The following FAIM2 variants were observed in gnomAD, a reference collection of about 807,000 sequenced individuals.
FAIM2 encodes protein lifeguard 2.
FAIM2 carries 27 observed loss-of-function variants against 47.4 expected under a neutral mutation model. That is an observed-to-expected ratio of 0.57 (90% CI 0.42 to 0.78). The LOEUF (loss-of-function observed/expected upper bound fraction) is 0.78. Ranked by LOEUF, FAIM2 falls within the 30% of genes least tolerant of loss-of-function variation. The pLI, the probability that FAIM2 is intolerant of heterozygous loss-of-function variation, is 0.00. For missense variants in FAIM2, 311 were observed against 389.4 expected (o/e 0.80, Z 1.69); for synonymous variants, 156 against 159.3 (o/e 0.98, Z 0.16).
Position 49,874,122 on chromosome 12 carries a change from G to A in FAIM2, c.802-3469C>T, listed in dbSNP as rs929084317. On this transcript the variant is annotated intron_variant, in intron 11 of 11. Coordinates refer to ENST00000320634, the MANE Select transcript of FAIM2 (RefSeq NM_012306.4). This position sits in a 1 kb window ranked among gnomAD's most constrained non-coding sequence, Gnocchi z 4.2. ...GGATCTTGGCTGAGAGCTAGCAACC[G>A]AATTGACTGCAAACCCCTAAAAGGA... 1.2e-4 allele frequency among the ~76,000 whole-genome samples: 19 copies of A among 152,190 alleles called. No individual in the cohort carries two copies. The highest frequency in any genetic ancestry group is 7.2e-4 in the Admixed American group (11 of 15,284).
At chr12:49,895,920 C>A (rs796358577) in intron 5 of FAIM2, among the ~76,000 whole-genome samples, 7 of 152,354 alleles carry the variant, frequency 4.6e-5, no homozygotes, top group African/African-American at 1.7e-4. Flanking sequence ...TTGGAATTCC[C>A]CTGCATGGAG....
At position 49,887,385 on chromosome 12, in the gene FAIM2, C is replaced by G. The variant is rs113953525; in HGVS notation, c.801+1G>C. The G allele has an allele frequency of 5.0e-6, 8 of 1,610,012 alleles. No homozygotes were observed. Among genetic ancestry groups the G allele is most frequent in the Non-Finnish European group, 2.5e-6 (3 of 1,177,996 alleles). Reference sequence around the variant, plus strand: ...CTGCCAAGGAGCTAGACCACACTCACCAATGTAAATACACCCGCTCCCAGT... The same window carrying G: ...CTGCCAAGGAGCTAGACCACACTCAGCAATGTAAATACACCCGCTCCCAGT... On this transcript the variant is annotated splice_donor_variant, in intron 11 of 11. Coordinates refer to ENST00000320634, the MANE Select transcript of FAIM2 (RefSeq NM_012306.4). LOFTEE classifies it high-confidence loss of function.
intron 11 of FAIM2, among the ~76,000 whole-genome samples, chr12:49,878,800 A>ATGTGCGTCTGTGTCTG (rs796913911): frequency 2.5e-5 from 2 of 78,512 alleles, no homozygotes; most frequent in African/African-American, 8.3e-5. Flanking sequence ...CTGTGTGTAT[A>ATGTGCGTCTGTGTCTG]TGTGTGCATG....
intron 3 of FAIM2, 139 bp from the exon 4 acceptor site, chr12:49,897,722 G>A (rs746526406): frequency 1.2e-4 from 82 of 681,610 alleles, no homozygotes; most frequent in Non-Finnish European, 1.9e-4. Flanking sequence ...GTGAACCCAG[G>A]GCAAGGCGAA....
intron 11 of FAIM2, among the ~76,000 whole-genome samples, chr12:49,879,788 G>T (rs1408569660): frequency 6.6e-6 from 1 of 151,578 alleles, no homozygotes; most frequent in African/African-American, 2.4e-5. Flanking sequence ...ATGTGCATGT[G>T]TGTATGTGTG....
intron 5 of FAIM2, among the ~76,000 whole-genome samples, chr12:49,895,324 C>A (rs1454429605): frequency 2.0e-5 from 3 of 151,996 alleles, no homozygotes; most frequent in Non-Finnish European, 4.4e-5. Context: ...CCCTCCCAAT[C>A]CCCCCATCCC....
intron 2 of FAIM2, chr12:49,900,290 G>A: frequency 1.8e-6 from 2 of 1,131,556 alleles, no homozygotes; most frequent in Non-Finnish European, 2.3e-6. Context: ...TTGTCTCTGA[G>A]ATCTCTTCTA....
At chr12:49,871,964 C>G (rs375837931) in intron 11 of FAIM2, among the ~76,000 whole-genome samples, 2 of 152,308 alleles carry the variant, frequency 1.3e-5, no homozygotes, top group East Asian at 3.9e-4. Context: ...CCAGGCCCAG[C>G]CCGGGATTAG....
At chr12:49,883,339 A>G (rs1053111417) in intron 11 of FAIM2, among the ~76,000 whole-genome samples, 10 of 151,780 alleles carry the variant, frequency 6.6e-5, no homozygotes, top group Non-Finnish European at 1.5e-4. Flanking sequence ...GAGGGCAGAG[A>G]TAAGTTTTCA....
chr12:49,903,315 G>A (rs1002940843), intron 1 of FAIM2, among the ~76,000 whole-genome samples: 1 of 152,252 alleles, frequency 6.6e-6, no homozygotes, highest in Non-Finnish European at 1.5e-5. Context: ...CAATGGCAGG[G>A]AGTAGGGTGG....
intron 11 of FAIM2, among the ~76,000 whole-genome samples, chr12:49,879,055 T>C (rs1162840997): frequency 2.2e-5 from 3 of 136,048 alleles, no homozygotes; most frequent in Admixed American, 8.2e-5. Flanking sequence ...TTTGTGTATG[T>C]GCATGTATGT....
intron 11 of FAIM2, among the ~76,000 whole-genome samples, chr12:49,876,427 C>A (rs1946736774): frequency 6.6e-6 from 1 of 152,086 alleles, no homozygotes; most frequent in Non-Finnish European, 1.5e-5. Context: ...TGAAGCCAGG[C>A]TAAATCTGGT....
At position 49,870,497 on chromosome 12, in the gene FAIM2, G is replaced by A. The variant is rs1484137053; in HGVS notation, c.*7C>T. On this transcript the variant is annotated 3_prime_UTR_variant, in exon 12 of 12. Coordinates refer to ENST00000320634, the MANE Select transcript of FAIM2 (RefSeq NM_012306.4). ...TCTCTGGAGGACGGTGGGGCAGGGAGGGCTCCTCATTCTCGGTTAGTGCCA... is the reference window on the plus strand; with the variant it reads ...TCTCTGGAGGACGGTGGGGCAGGGAAGGCTCCTCATTCTCGGTTAGTGCCA... 1.9e-6 allele frequency: 3 copies of A among 1,613,094 alleles called. No homozygotes were observed. Among genetic ancestry groups the A allele is most frequent in the Admixed American group, 1.7e-5 (1 of 59,976 alleles).
intron 2 of FAIM2, chr12:49,900,294 T>C (rs1946973673): frequency 9.3e-7 from 1 of 1,077,974 alleles, no homozygotes. Flanking sequence ...CTCTGAGATC[T>C]CTTCTAGAAT....
chr12:49,885,118 G>A (rs1441036769), intron 11 of FAIM2, among the ~76,000 whole-genome samples: 1 of 152,228 alleles, frequency 6.6e-6, no homozygotes, highest in Non-Finnish European at 1.5e-5. Context: ...AAAGTGCTTT[G>A]TAAAACATAA....
At chr12:49,878,051 TGTATATGTGC>T (rs1946752232) in intron 11 of FAIM2, among the ~76,000 whole-genome samples, 1 of 77,402 alleles carries the variant, frequency 1.3e-5, no homozygotes, top group South Asian at 4.4e-4. Flanking sequence ...CATGTGCATG[TGTATATGTGC>T]GTGTATGTGT....
chr12:49,879,966 G>GTGTGCA (rs1555158364), intron 11 of FAIM2, among the ~76,000 whole-genome samples: 57 of 149,138 alleles, frequency 3.8e-4, no homozygotes, highest in Non-Finnish European at 7.6e-4. Flanking sequence ...GTATGTGCAT[G>GTGTGCA]TGTGTGTATA....
At chr12:49,885,945 C>T (rs71464980) in intron 11 of FAIM2, among the ~76,000 whole-genome samples, 18 of 152,152 alleles carry the variant, frequency 1.2e-4, no homozygotes, top group Non-Finnish European at 2.4e-4. Flanking sequence ...CACCCTCACT[C>T]AGGCTTGATC....
Position 49,897,521 on chromosome 12 carries a change from G to A in FAIM2, c.378C>T (p.Phe126=). ...VTLAVVALFT[F]CDPVKDYVQA... is the part of the protein sequence containing the mutation. ...GCTGGTCCATGCTGCCAACTCACCA[G>A]AAAGTAAAGAGAGCCACGACAGCCA... is the stretch of plus-strand genomic sequence containing the variant. Residue 126 remains phenylalanine, a splice_region_variant and synonymous_variant, in exon 4 of 12, where the codon TTC becomes TTT. Transcript: ENST00000320634. 1 of 1,614,050 alleles carries A rather than the reference G, an allele frequency of 6.2e-7. No homozygotes were observed. Among genetic ancestry groups the A allele is most frequent in the African/African-American group, 1.3e-5 (1 of 75,042 alleles).
Sources: allele counts gnomAD v4.1 joint callset (sites outside exome capture counted in the v4.1 genomes callset), GRCh38; gene constraint gnomAD v4.1.1; non-coding constraint Gnocchi (gnomAD v3.1); transcripts MANE v1.5; gene names NCBI Gene and HGNC (gene_info 2026-07-23, HGNC 2026-07-21).